PRR16: variants seen among roughly 807,000 people sequenced by gnomAD.
PRR16 encodes protein Largen.
Under a neutral mutation model 18.2 loss-of-function variants are expected in PRR16, and 6 were observed. The ratio of observed to expected loss-of-function variants is 0.33; its 90% confidence interval spans 0.18 to 0.65. PRR16 has a LOEUF of 0.65. PRR16 is among the 30% of genes least tolerant of loss of function. The pLI is 0.74. For missense variants in PRR16, 412 were observed against 376.6 expected, an observed-to-expected ratio of 1.09 and a Z score of -0.78; for synonymous variants, 151 against 147.8, an observed-to-expected ratio of 1.02 and a Z score of -0.16.
the PRR16 span, among the ~76,000 whole-genome samples, chr5:120,708,918 T>C: frequency 6.6e-6 from 1 of 151,520 alleles, no homozygotes; most frequent in African/African-American, 2.4e-5. Flanking sequence ...TTGCGGGAAA[T>C]AATTTTATTG....
At chr5:120,601,655 A>C (rs1446106296) in intron 1 of PRR16, among the ~76,000 whole-genome samples, 1 of 151,950 alleles carries the variant, frequency 6.6e-6, no homozygotes, top group Non-Finnish European at 1.5e-5. Flanking sequence ...TGTGTTTACC[A>C]TGGTGTTTCC....
the PRR16 span, among the ~76,000 whole-genome samples, chr5:120,794,030 G>A: frequency 1.6e-4 from 24 of 152,100 alleles, no homozygotes; most frequent in Admixed American, 1.6e-3. Context: ...GTTATGTGCT[G>A]AATGTATCCA....
the PRR16 span, among the ~76,000 whole-genome samples, chr5:120,752,460 T>C: frequency 1.3e-5 from 2 of 151,980 alleles, no homozygotes; most frequent in East Asian, 3.9e-4. Context: ...CATTTGTACA[T>C]GAGAGACATT....
intron 1 of PRR16, among the ~76,000 whole-genome samples, chr5:120,555,174 G>C (rs1358429544): frequency 6.6e-6 from 1 of 151,872 alleles, no homozygotes; most frequent in Non-Finnish European, 1.5e-5. Flanking sequence ...TGGGAAGGCA[G>C]AGTTGATTTT....
At chr5:120,708,466 G>T in the PRR16 span, among the ~76,000 whole-genome samples, 6 of 152,100 alleles carry the variant, frequency 3.9e-5, no homozygotes, top group African/African-American at 1.4e-4. Flanking sequence ...GTCAGAAAAT[G>T]ATTTCCTTAG....
the PRR16 span, among the ~76,000 whole-genome samples, chr5:120,789,063 A>G: frequency 6.6e-6 from 1 of 152,088 alleles, no homozygotes; most frequent in Non-Finnish European, 1.5e-5. Context: ...CCTAACCCCA[A>G]ATGAAAGGGT....
chr5:120,637,312 A>T (rs1000548143), intron 1 of PRR16, among the ~76,000 whole-genome samples: 19 of 114,346 alleles, frequency 1.7e-4, no homozygotes, highest in Non-Finnish European at 2.5e-4. Context: ...GTAAGCCATT[A>T]TACGGAAAAA....
intron 1 of PRR16, among the ~76,000 whole-genome samples, chr5:120,524,953 T>C (rs1220922097): frequency 6.6e-6 from 1 of 152,096 alleles, no homozygotes; most frequent in Non-Finnish European, 1.5e-5. Context: ...AATATGATAA[T>C]ATAAAAATAT....
At chr5:120,677,927 T>TTTG (rs60340455) in intron 1 of PRR16, among the ~76,000 whole-genome samples, 5 of 142,586 alleles carry the variant, frequency 3.5e-5, no homozygotes, top group African/African-American at 1.0e-4. Context: ...TTTTTTTTTT[T>TTTG]GAGACGGAGT....
At chr5:120,578,270 AT>A (rs1217494942) in intron 1 of PRR16, among the ~76,000 whole-genome samples, 2 of 151,950 alleles carry the variant, frequency 1.3e-5, no homozygotes, top group Non-Finnish European at 2.9e-5. Context: ...AGTTACTATA[AT>A]TTTTTTCTTT....
At chr5:120,610,082 G>A (rs1460422339) in intron 1 of PRR16, among the ~76,000 whole-genome samples, 1 of 152,092 alleles carries the variant, frequency 6.6e-6, no homozygotes, top group Non-Finnish European at 1.5e-5. Context: ...TCCTGAAGAG[G>A]CAGGTGCAAA....
intron 1 of PRR16, among the ~76,000 whole-genome samples, chr5:120,560,675 T>A (rs1374742258): frequency 6.6e-6 from 1 of 152,124 alleles, no homozygotes; most frequent in East Asian, 1.9e-4. Flanking sequence ...TATTCTCTTT[T>A]ATATTTTTCA....
At chr5:120,628,081 T>A (rs1304534554) in intron 1 of PRR16, among the ~76,000 whole-genome samples, 1 of 152,094 alleles carries the variant, frequency 6.6e-6, no homozygotes, top group Non-Finnish European at 1.5e-5. Context: ...GTGGTTATCA[T>A]GTGAATTTAT....
intron 1 of PRR16, among the ~76,000 whole-genome samples, chr5:120,602,059 T>C (rs1754001590): frequency 6.6e-6 from 1 of 152,122 alleles, no homozygotes; most frequent in African/African-American, 2.4e-5. Flanking sequence ...TCTTTTTTGG[T>C]TTAATATGAA....
chr5:120,761,179 T>C, the PRR16 span, among the ~76,000 whole-genome samples: 1 of 152,138 alleles, frequency 6.6e-6, no homozygotes, highest in Non-Finnish European at 1.5e-5. Flanking sequence ...ATTTTAAGCC[T>C]ATTTTAATTA....
the PRR16 span, among the ~76,000 whole-genome samples, chr5:120,746,123 GC>G: frequency 6.8e-6 from 1 of 146,890 alleles, no homozygotes; most frequent in African/African-American, 2.6e-5. Context: ...TTTTCTAAAA[GC>G]TTTTTTTTTT....
At chr5:120,588,544 A>T (rs971393777) in intron 1 of PRR16, among the ~76,000 whole-genome samples, 3 of 152,208 alleles carry the variant, frequency 2.0e-5, no homozygotes, top group Non-Finnish European at 2.9e-5. Context: ...GACCATTAAC[A>T]TTTTTAGAAA....
intron 1 of PRR16, among the ~76,000 whole-genome samples, chr5:120,638,824 G>C (rs771360686): frequency 2.0e-5 from 3 of 152,016 alleles, no homozygotes; most frequent in African/African-American, 4.8e-5. Context: ...TGATTGGGAA[G>C]AAAAGGGAAA....
At chr5:120,783,060 C>T in the PRR16 span, among the ~76,000 whole-genome samples, 2 of 152,074 alleles carry the variant, frequency 1.3e-5, no homozygotes, top group African/African-American at 2.4e-5. Flanking sequence ...AGGCAGTGCT[C>T]GCACTGCTCT....
Sources: gnomAD v4.1 joint callset for allele counts (sites outside exome capture counted in the v4.1 genomes callset) on GRCh38, gnomAD v4.1.1 for gene constraint, MANE v1.5 for transcripts, NCBI Gene and HGNC (gene_info 2026-07-23, HGNC 2026-07-21) for gene names.